SLCO1C1: variants seen among roughly 807,000 people sequenced by gnomAD.
SLCO1C1 encodes solute carrier organic anion transporter family member 1C1, also known as OAT-RP-5.
SLCO1C1 carries 70 observed loss-of-function variants against 76.4 expected under a neutral mutation model. The observed-to-expected ratio is 0.92, with a 90% CI of 0.76 to 1.12. The LOEUF is 1.12. Ranked by LOEUF, SLCO1C1 falls within the 50% of genes most tolerant of loss-of-function variation. SLCO1C1 has a pLI of 0.00. For synonymous variants in SLCO1C1, 306 were observed against 286.1 expected, an observed-to-expected ratio of 1.07 and a Z score of -0.70; for missense variants, 912 against 823.8, an observed-to-expected ratio of 1.11 and a Z score of -1.31.
chr12:20,710,487 TG>T (rs1947034962), intron 4 of SLCO1C1, among the ~76,000 whole-genome samples: 1 of 151,854 alleles, frequency 6.6e-6, no homozygotes, highest in African/African-American at 2.4e-5. Flanking sequence ...GTACAAAGAG[TG>T]TGGAGAACGT....
Position 20,721,800 on chromosome 12 carries a change from T to A in SLCO1C1, c.776-4T>A, listed in dbSNP as rs1947686787. On this transcript the variant is annotated splice_polypyrimidine_tract_variant and splice_region_variant and intron_variant, in intron 7 of 14. Transcript: ENST00000266509. ...ATTACTTAGCCATCCCCTCTGTCTT[T>A]CAGATCACATAACCATTACCCCAAA... The A allele has an allele frequency of 6.2e-7, 1 of 1,613,850 alleles. No homozygotes were observed. The highest frequency in any genetic ancestry group is 1.7e-5 in the Admixed American group (1 of 59,990).
chr12:20,710,096 G>T (rs1456388535), intron 4 of SLCO1C1, among the ~76,000 whole-genome samples: 4 of 151,290 alleles, frequency 2.6e-5, no homozygotes, highest in Non-Finnish European at 5.9e-5. Context: ...TTGAGGTGCA[G>T]ATTGCACAAA....
chr12:20,700,486 C>T (rs1387419575), intron 2 of SLCO1C1, among the ~76,000 whole-genome samples: 1 of 151,264 alleles, frequency 6.6e-6, no homozygotes, highest in African/African-American at 2.4e-5. Context: ...TTCTAGGGTA[C>T]ATGTGCACAC....
intron 13 of SLCO1C1, among the ~76,000 whole-genome samples, chr12:20,748,004 C>T (rs1184607780): frequency 1.3e-5 from 2 of 152,116 alleles, no homozygotes; most frequent in Admixed American, 1.3e-4. Context: ...GTTTGGTGTG[C>T]TCTTCTAATC....
Position 20,737,277 on chromosome 12 carries a change from G to T in SLCO1C1, c.1548+5G>T. ...AACAGGAGTGGAAAAAATATTGTAA[G>T]AAATCACCTCTCAAGTATATGGCGA... is the stretch of plus-strand genomic sequence containing the variant. On this transcript the variant is annotated splice_donor_5th_base_variant and intron_variant, in intron 11 of 14. Coordinates refer to ENST00000266509, the MANE Select transcript of SLCO1C1 (RefSeq NM_017435.5). 6.4e-7 allele frequency: 1 copy of T among 1,555,118 alleles called. No homozygotes were observed. The highest frequency in any genetic ancestry group is 8.6e-7 in the Non-Finnish European group (1 of 1,159,486).
chr12:20,752,210 C>A, intron 14 of SLCO1C1, 96 bp from the exon 15 acceptor site: 1 of 790,260 alleles, frequency 1.3e-6, no homozygotes, highest in Non-Finnish European at 1.9e-6. Flanking sequence ...AATCTACATT[C>A]TTAAAGAAAA....
chr12:20,706,110 G>T, intron 4 of SLCO1C1, 29 bp downstream of exon 4: 1 of 1,566,586 alleles, frequency 6.4e-7, no homozygotes, highest in Non-Finnish European at 8.6e-7. Flanking sequence ...TCTTTTCCTT[G>T]CCTTTCCAAA....
chr12:20,737,361 A>C (rs1325151160), intron 11 of SLCO1C1, 89 bp downstream of exon 11: 9 of 1,343,252 alleles, frequency 6.7e-6, no homozygotes, highest in Non-Finnish European at 8.9e-6. Context: ...GACCACTACT[A>C]GTAGGAGGCT....
chr12:20,737,009 T>C lies in SLCO1C1; in HGVS notation c.1383-98T>C, dbSNP rs886835505. On this transcript the variant is annotated intron_variant, in intron 10 of 14. Coordinates refer to ENST00000266509, the MANE Select transcript of SLCO1C1 (RefSeq NM_017435.5). ...GTTTCTAAAAGGCAAATTTTGTTCA[T>C]AGTATCATTTATATCACTCAAGAAC... The C allele has an allele frequency of 5.5e-6, 6 of 1,097,218 alleles. No individual in the cohort carries two copies. In the African/African-American group the frequency reaches 9.9e-5, roughly 18 times the overall value. The allele number at this position is 1,097,218 out of a possible 1,614,324, so 68.0% of individuals were successfully genotyped here.
Position 20,723,173 on chromosome 12 carries a change from C to T in SLCO1C1, c.1105C>T (p.Leu369=), listed in dbSNP as rs755813273. 1.9e-6 allele frequency: 3 copies of T among 1,614,060 alleles called. No individual in the cohort carries two copies. Among genetic ancestry groups the T allele is most frequent in the Non-Finnish European group, 2.5e-6 (3 of 1,180,032 alleles). ...TACAAGCACTGTTCAGTTCAATTCTCTGTTCGGCATGGTGACGTACAAACC... is the reference window on the plus strand; with the variant it reads ...TACAAGCACTGTTCAGTTCAATTCTTTGTTCGGCATGGTGACGTACAAACC... ...LCTSTVQFNS[L]FGMVTYKPKY... is the part of the protein sequence containing the mutation. The change falls in exon 9 of 15, where the codon CTG becomes TTG. Residue 369 remains leucine (L), a synonymous_variant. Coordinates refer to ENST00000266509, the MANE Select transcript of SLCO1C1 (RefSeq NM_017435.5).
At chr12:20,746,385 T>A (rs1592336557) in intron 13 of SLCO1C1, among the ~76,000 whole-genome samples, 1 of 152,170 alleles carries the variant, frequency 6.6e-6, no homozygotes, top group South Asian at 2.1e-4. Flanking sequence ...GCCTTTCTTC[T>A]ATTAACTGTA....
chr12:20,713,237 G>T (rs1210652655), intron 5 of SLCO1C1, among the ~76,000 whole-genome samples: 2 of 151,500 alleles, frequency 1.3e-5, no homozygotes, highest in Non-Finnish European at 2.9e-5. Flanking sequence ...CCGCTACCAC[G>T]CCCGGCTAAT....
At chr12:20,717,019 T>G in intron 6 of SLCO1C1, 113 bp from the exon 7 acceptor site, 1 of 888,958 alleles carries the variant, frequency 1.1e-6, no homozygotes, top group Non-Finnish European at 1.7e-6. Flanking sequence ...GCAAATGAGT[T>G]AAAACATTTT....
chr12:20,705,907 C>T (rs781191629), intron 3 of SLCO1C1, 42 bp from the exon 4 acceptor site: 4 of 1,599,222 alleles, frequency 2.5e-6, no homozygotes, highest in African/African-American at 2.7e-5. Context: ...TGACTTCTTT[C>T]TAAGTTCTCT....
intron 12 of SLCO1C1, among the ~76,000 whole-genome samples, chr12:20,740,787 T>TATATATATATATATATATATATATA (rs1565541668): frequency 1.5e-4 from 11 of 75,058 alleles, no homozygotes; most frequent in Admixed American, 1.7e-4. Flanking sequence ...TTTATTTTAT[T>TATATATATATATATATATATATATA]TATATATATA....
chr12:20,717,207 T>C lies in SLCO1C1; in HGVS notation c.752T>C (p.Val251Ala). 2.5e-6 allele frequency: 4 copies of C among 1,591,672 alleles called. No homozygotes were observed. The highest frequency in any genetic ancestry group is 3.4e-6 in the Non-Finnish European group (4 of 1,173,466). ...LLGSLCAKLYVDIGFVNLDHI... is the reference protein window; with the variant it reads ...LLGSLCAKLYADIGFVNLDHI... ...GGCTCATTATGTGCCAAACTATATG[T>C]TGACATTGGCTTTGTAAACCTAGGT... Residue 251 changes from valine (V) to alanine (A), a missense_variant, in exon 7 of 15, where the codon GTT becomes GCT. Coordinates refer to ENST00000266509, the MANE Select transcript of SLCO1C1 (RefSeq NM_017435.5).
chr12:20,750,696 AT>A lies in SLCO1C1; in HGVS notation c.1824del (p.Phe608LeufsTer4). 6.2e-7 allele frequency: 1 copy of A among 1,613,962 alleles called. No individual in the cohort carries two copies. The highest frequency in any genetic ancestry group is 1.3e-5 in the African/African-American group (1 of 75,050). On this transcript the variant is annotated frameshift_variant, in exon 14 of 15. Transcript: ENST00000266509. LOFTEE classifies it high-confidence loss of function. Reference protein sequence around the residue: ...RVLAGIPAPVYFGVLIDTSCL... With the variant: ...RVLAGIPAPVXFGVLIDTSCL... ...ACAGCAGGAATCCCAGCTCCAGTGT[AT>A]TTTGGAGTTTTGATTGATACTTCAT... is the stretch of plus-strand genomic sequence containing the variant.
chr12:20,699,502 T>A, intron 1 of SLCO1C1, 50 bp from the exon 2 acceptor site: 1 of 1,403,324 alleles, frequency 7.1e-7, no homozygotes, highest in Non-Finnish European at 9.4e-7. Context: ...AAAAATTTAA[T>A]AAATTGCGTA....
At chr12:20,698,228 T>G (rs1424803340) in intron 1 of SLCO1C1, among the ~76,000 whole-genome samples, 1 of 152,006 alleles carries the variant, frequency 6.6e-6, no homozygotes, top group African/African-American at 2.4e-5. Flanking sequence ...CATTATTAGC[T>G]CTTTGTTTTG....
Sources: gnomAD v4.1 joint callset for allele counts (sites outside exome capture counted in the v4.1 genomes callset) on GRCh38, gnomAD v4.1.1 for gene constraint, MANE v1.5 for transcripts, NCBI Gene and HGNC (gene_info 2026-07-23, HGNC 2026-07-21) for gene names.